Variants in PWWP2B observed in about 807,000 individuals in gnomAD.
PWWP2B encodes the protein PWWP domain containing 2B.
Under a neutral mutation model 15.5 loss-of-function variants are expected in PWWP2B, and 9 were observed. The observed-to-expected ratio is 0.58, with a 90% confidence interval of 0.35 to 1.02. PWWP2B has a LOEUF of 1.02. Among genes scored for constraint, PWWP2B ranks in the 50% least tolerant of loss-of-function variants. PWWP2B has a pLI of 0.02. For missense variants in PWWP2B, 864 were observed against 865.3 expected (o/e 1.00, Z 0.02); for synonymous variants, 474 against 403.6 (o/e 1.17, Z -2.09).
intron 2 of PWWP2B, among the ~76,000 whole-genome samples, chr10:132,409,704 G>A (rs2069753293): frequency 6.7e-6 from 1 of 150,248 alleles, no homozygotes; most frequent in African/African-American, 2.4e-5. Context: ...CTAGAAGGGG[G>A]CCAAATGGGG....
At chr10:132,415,434 C>T (rs930203556) in intron 2 of PWWP2B, among the ~76,000 whole-genome samples, 2 of 147,528 alleles carry the variant, frequency 1.4e-5, no homozygotes, top group Admixed American at 1.4e-4. Flanking sequence ...CGCACACATG[C>T]ACTCTCACAC....
chr10:132,407,652 C>T (rs1347591589), intron 2 of PWWP2B, among the ~76,000 whole-genome samples: 3 of 152,208 alleles, frequency 2.0e-5, no homozygotes, highest in East Asian at 1.9e-4. Context: ...TCCAGCCACC[C>T]GGCTGCATCT....
intron 1 of PWWP2B, among the ~76,000 whole-genome samples, chr10:132,403,138 C>A (rs371512004): frequency 6.6e-6 from 1 of 152,242 alleles, no homozygotes; most frequent in South Asian, 2.1e-4. Context: ...GTTGCTAGCC[C>A]GTGGCTGCAG....
intron 1 of PWWP2B, among the ~76,000 whole-genome samples, chr10:132,397,970 C>G (rs1321805365): frequency 6.6e-6 from 1 of 152,200 alleles, no homozygotes; most frequent in Non-Finnish European, 1.5e-5. Context: ...GGGCGCAGGG[C>G]AGGGCGGGGC....
intron 1 of PWWP2B, among the ~76,000 whole-genome samples, chr10:132,402,967 T>C (rs7908722): frequency 0.52 from 78,816 of 152,052 alleles, 20,658 homozygotes; most frequent in Middle Eastern, 0.56. Flanking sequence ...CGCCAGCACC[T>C]GGCTGGGACT....
Position 132,405,313 on chromosome 10 carries a change from C to T in PWWP2B, c.813C>T (p.Ser271=). ...QGKGEVVKIP[S]RVHGSLEPFR... ...AGGGAGAGGTGGTCAAGATCCCCTC[C>T]CGCGTGCACGGCTCTCTGGAGCCCT... is the stretch of plus-strand genomic sequence containing the variant. The change falls in exon 2 of 3, where the codon TCC becomes TCT. Residue 271 remains serine (S), a synonymous_variant. Transcript: ENST00000305233. The T allele has an allele frequency of 1.2e-6, 2 of 1,612,220 alleles. No homozygotes were observed. Among genetic ancestry groups the T allele is most frequent in the Non-Finnish European group, 1.7e-6 (2 of 1,179,734 alleles).
chr10:132,405,508 G>C lies in PWWP2B; in HGVS notation c.1008G>C (p.Lys336Asn). 6.2e-7 allele frequency: 1 copy of C among 1,603,768 alleles called. No individual in the cohort carries two copies. ...TGCCGCCCCCTAAGATCCGCCTGAA[G>C]CCCCACCGTCTGGGGGACAGCGAGC... is the stretch of plus-strand genomic sequence containing the variant. ...ADLPPPKIRL[K>N]PHRLGDSEHE... is the part of the protein sequence containing the mutation. The change falls in exon 2 of 3, where the codon AAG becomes AAC. Residue 336 changes from lysine (K) to asparagine (N), a missense_variant. Around this residue, in one of 2 missense-constraint regions of PWWP2B, gnomAD observed 736 missense variants for 687.7 expected, o/e 1.07. Coordinates refer to ENST00000305233, the MANE Select transcript of PWWP2B (RefSeq NM_138499.4).
At position 132,403,399 on chromosome 10, in the gene PWWP2B, C is replaced by T. The variant is rs144739740; in HGVS notation, c.126-1227C>T. Among the ~76,000 whole-genome samples, 833 of 152,364 alleles carry T rather than the reference C, an allele frequency of 5.5e-3. 3 individuals carry two copies. Among genetic ancestry groups the T allele is most frequent in the African/African-American group, 0.019 (784 of 41,580 alleles). Reference sequence around the variant, plus strand: ...ATTGCATCTGGTTTGTTACCAGTTACGCGTGTTCCCTGTGGAAACGTGGAT... The same window carrying T: ...ATTGCATCTGGTTTGTTACCAGTTATGCGTGTTCCCTGTGGAAACGTGGAT... On this transcript the variant is annotated intron_variant, in intron 1 of 2. Transcript: ENST00000305233.
chr10:132,416,692 C>T (rs888931959), intron 2 of PWWP2B, among the ~76,000 whole-genome samples: 2 of 152,126 alleles, frequency 1.3e-5, no homozygotes, highest in Admixed American at 1.3e-4. Context: ...CGAGGGTCCC[C>T]GGAGTCATGT....
rs1295704196 is a variant in PWWP2B, at chr10:132,411,452, C to T, written c.*16+5163C>T. 2.6e-5 allele frequency among the ~76,000 whole-genome samples: 4 copies of T among 152,362 alleles called. No individual in the cohort carries two copies. In the East Asian group the frequency reaches 7.7e-4, roughly 29 times the overall value. On this transcript the variant is annotated intron_variant, in intron 2 of 2. Transcript: ENST00000305233. ...ACATCCCCAGCGGTTGTGTGGGCAGCGCGGGCACAGCCCAGGGTCCACCCG... is the reference window on the plus strand; with the variant it reads ...ACATCCCCAGCGGTTGTGTGGGCAGTGCGGGCACAGCCCAGGGTCCACCCG...
chr10:132,398,956 T>G (rs28649491), intron 1 of PWWP2B, among the ~76,000 whole-genome samples: 1 of 102,722 alleles, frequency 9.7e-6, no homozygotes. Context: ...GAAGGACCCC[T>G]GCCCCCTCCC....
chr10:132,414,055 C>T (rs1464073101), intron 2 of PWWP2B, among the ~76,000 whole-genome samples: 1 of 152,222 alleles, frequency 6.6e-6, no homozygotes, highest in Non-Finnish European at 1.5e-5. Flanking sequence ...CAGCTGAGCT[C>T]AGCTCCATGA....
intron 1 of PWWP2B, among the ~76,000 whole-genome samples, chr10:132,399,347 C>T (rs543141345): frequency 6.6e-6 from 1 of 152,362 alleles, no homozygotes; most frequent in African/African-American, 2.4e-5. Flanking sequence ...CGCTGTTGAG[C>T]GCAGGCGGCG....
Position 132,405,100 on chromosome 10 carries a change from C to T in PWWP2B, c.600C>T (p.Ala200=). The change falls in exon 2 of 3, where the codon GCC becomes GCT. Residue 200 remains alanine, a synonymous_variant. Coordinates refer to ENST00000305233, the MANE Select transcript of PWWP2B (RefSeq NM_138499.4). ...CCGGACCCCCAGCCGCGCCCAGGGCCCGCAGGAGGCTGGGCAGCGGCCCGG... is the reference window on the plus strand; with the variant it reads ...CCGGACCCCCAGCCGCGCCCAGGGCTCGCAGGAGGCTGGGCAGCGGCCCGG... The part of the protein sequence containing the change: ...ASPGPPAAPR[A]RRRLGSGPDR... 1 of 1,537,400 alleles carries T rather than the reference C, an allele frequency of 6.5e-7. No homozygotes were observed. Among genetic ancestry groups the T allele is most frequent in the Middle Eastern group, 2.3e-4 (1 of 4,434 alleles).
In PWWP2B at chr10:132,397,317, A is replaced by G; in HGVS notation, c.91A>G (p.Ser31Gly). The G allele has an allele frequency of 7.0e-7, 1 of 1,431,030 alleles. No individual in the cohort carries two copies. The highest frequency in any genetic ancestry group is 9.2e-7 in the Non-Finnish European group (1 of 1,082,460). The allele number at this position is 1,431,030 out of a possible 1,614,324, so 88.6% of individuals were successfully genotyped here. Residue 31 changes from serine (S) to glycine (G), a missense_variant, in exon 1 of 3, where the codon AGC (serine) becomes GGC (glycine). Ser to Gly is a moderately conservative substitution (Grantham distance 56). Coordinates refer to ENST00000305233, the MANE Select transcript of PWWP2B (RefSeq NM_138499.4). Reference sequence around the variant, plus strand: ...GGTCACGGTGAGCTGCGGCGAGCGGAGCTTCGCGGGGATCCTGCTGGACTG... The same window carrying G: ...GGTCACGGTGAGCTGCGGCGAGCGGGGCTTCGCGGGGATCCTGCTGGACTG... ...LVVTVSCGER[S>G]FAGILLDCTK...
rs533216315 is a variant in PWWP2B, at chr10:132,401,652, A to G, written c.126-2974A>G. ...GACCACTCTTCACGTCCCAGGGTCC[A>G]GGATAAGCCACTGAGGTTCTCCCTG... is the stretch of plus-strand genomic sequence containing the variant. On this transcript the variant is annotated intron_variant, in intron 1 of 2. Transcript: ENST00000305233. 3.3e-5 allele frequency among the ~76,000 whole-genome samples: 5 copies of G among 152,384 alleles called. No homozygotes were observed. The South Asian group carries it at 1.0e-3, about 32-fold the overall frequency.
At chr10:132,408,129 C>T (rs1253833925) in intron 2 of PWWP2B, among the ~76,000 whole-genome samples, 5 of 152,250 alleles carry the variant, frequency 3.3e-5, no homozygotes, top group South Asian at 4.1e-4. Flanking sequence ...ACGGGGCCTG[C>T]GCCGGGACCA....
At chr10:132,400,795 C>T (rs1176708640) in intron 1 of PWWP2B, among the ~76,000 whole-genome samples, 4 of 152,252 alleles carry the variant, frequency 2.6e-5, no homozygotes, top group Non-Finnish European at 5.9e-5. Context: ...TTCCAGGAGC[C>T]GCATTTTCTT....
rs2069685740 is a variant in PWWP2B at position 132,405,607 on chromosome 10, T to G, written c.1107T>G (p.Cys369Trp). 6.2e-7 allele frequency: 1 copy of G among 1,611,668 alleles called. No individual in the cohort carries two copies. The highest frequency in any genetic ancestry group is 8.5e-7 in the Non-Finnish European group (1 of 1,179,836). Residue 369 changes from cysteine to tryptophan, a missense_variant, in exon 2 of 3, where the codon TGT becomes TGG. Coordinates refer to ENST00000305233, the MANE Select transcript of PWWP2B (RefSeq NM_138499.4). ...TGCGGGACAGCTCGCCGGCGCCCTG[T>G]GCGGACGGCCCTGCCGGTGGGCTGG... is the stretch of plus-strand genomic sequence containing the variant. ...GYLRDSSPAP[C>W]ADGPAGGLAD...
Sources: allele counts gnomAD v4.1 joint callset (sites outside exome capture counted in the v4.1 genomes callset), GRCh38; gene constraint gnomAD v4.1.1; regional missense constraint gnomAD v4.1.1; transcripts MANE v1.5; gene names NCBI Gene and HGNC (gene_info 2026-07-23, HGNC 2026-07-21).